The following ZSWIM6 variants were observed in gnomAD, a reference collection of about 807,000 sequenced individuals.
ZSWIM6 encodes the protein zinc finger SWIM-type containing 6.
In ZSWIM6, 9 loss-of-function variants were observed where a neutral mutation model predicts 113.2. That is an observed-to-expected ratio of 0.08 (90% CI 0.05 to 0.14). The LOEUF is 0.14. Among genes scored for constraint, ZSWIM6 ranks in the 10% least tolerant of loss-of-function variants. ZSWIM6 has a pLI of 1.00. For missense variants in ZSWIM6, 1,162 were observed against 1,552.2 expected, an observed-to-expected ratio of 0.75 and a Z score of 4.22; for synonymous variants, 611 against 606.5, an observed-to-expected ratio of 1.01 and a Z score of -0.11.
chr5:61,486,656 T>C (rs1176393914), intron 2 of ZSWIM6, among the ~76,000 whole-genome samples: 1 of 152,204 alleles, frequency 6.6e-6, no homozygotes, highest in Non-Finnish European at 1.5e-5. Context: ...TAAGATGATA[T>C]CTCATTGTGG....
chr5:61,424,658 T>C (rs1579989651), intron 1 of ZSWIM6, among the ~76,000 whole-genome samples: 1 of 152,124 alleles, frequency 6.6e-6, no homozygotes, highest in East Asian at 1.9e-4. Flanking sequence ...GGAATTACTT[T>C]TGTTGAGGAG....
chr5:61,337,499 G>T (rs1390809760), intron 1 of ZSWIM6, among the ~76,000 whole-genome samples: 1 of 152,174 alleles, frequency 6.6e-6, no homozygotes, highest in Non-Finnish European at 1.5e-5. Context: ...ATGATGTTCT[G>T]TATAGTGATG....
chr5:61,462,096 T>C (rs906068523), intron 1 of ZSWIM6, among the ~76,000 whole-genome samples: 6 of 152,220 alleles, frequency 3.9e-5, no homozygotes, highest in African/African-American at 1.4e-4. Context: ...TTGAGATTCT[T>C]TGAGGAGAGC....
intron 1 of ZSWIM6, among the ~76,000 whole-genome samples, chr5:61,401,794 G>T (rs1745943415): frequency 6.6e-6 from 1 of 152,062 alleles, no homozygotes; most frequent in Admixed American, 6.6e-5. Context: ...TTCTTAATTT[G>T]ATATACTACA....
intron 1 of ZSWIM6, among the ~76,000 whole-genome samples, chr5:61,385,577 T>C (rs1579967743): frequency 2.6e-5 from 4 of 152,356 alleles, no homozygotes; most frequent in Admixed American, 2.6e-4. Flanking sequence ...AGATAATTTG[T>C]TTCTAGTATC....
chr5:61,399,415 C>T (rs890572389), intron 1 of ZSWIM6, among the ~76,000 whole-genome samples: 1 of 152,100 alleles, frequency 6.6e-6, no homozygotes, highest in African/African-American at 2.4e-5. Flanking sequence ...TTTACCAGAA[C>T]AGATTCCATC....
chr5:61,438,549 T>A (rs1211079854), intron 1 of ZSWIM6, among the ~76,000 whole-genome samples: 1 of 152,244 alleles, frequency 6.6e-6, no homozygotes, highest in Non-Finnish European at 1.5e-5. Context: ...AAAAGTCTCA[T>A]GTTCTTCAAA....
rs1185476142 is a variant in ZSWIM6 at position 61,357,869 on chromosome 5, TA to T, written c.676+24931del. On this transcript the variant is annotated intron_variant, in intron 1 of 13. Transcript: ENST00000252744. ...ACCTTACCTTACACCTTTGAAGGAT[TA>T]AAAAAAAAATTTCCTGTTTACTCCA... Among the ~76,000 whole-genome samples, 16 of 150,852 alleles carry T rather than the reference TA, an allele frequency of 1.1e-4. No individual in the cohort carries two copies. In the South Asian group the frequency reaches 2.3e-3, roughly 22 times the overall value.
intron 1 of ZSWIM6, among the ~76,000 whole-genome samples, chr5:61,421,696 A>G (rs942537339): frequency 6.6e-6 from 1 of 152,082 alleles, no homozygotes; most frequent in Non-Finnish European, 1.5e-5. Context: ...AGTTCTCATC[A>G]TTTAGCTTCC....
intron 12 of ZSWIM6, 67 bp from the exon 13 acceptor site, chr5:61,541,817 T>TC (rs1032666502): frequency 2.4e-4 from 315 of 1,330,976 alleles, no homozygotes; most frequent in African/African-American, 8.0e-4. Context: ...TTATAGTTTA[T>TC]CCCCCCCCTT....
chr5:61,353,195 G>T (rs754847975), intron 1 of ZSWIM6, among the ~76,000 whole-genome samples: 84 of 152,104 alleles, frequency 5.5e-4, no homozygotes, highest in Non-Finnish European at 9.9e-4. Context: ...TGTCTTGTTT[G>T]GGATGAGGAT....
At chr5:61,421,792 C>G (rs1356209909) in intron 1 of ZSWIM6, among the ~76,000 whole-genome samples, 1 of 152,176 alleles carries the variant, frequency 6.6e-6, no homozygotes, top group Non-Finnish European at 1.5e-5. Context: ...CATCCATGTT[C>G]CTGTAAAAGA....
rs1747587164 is a variant in ZSWIM6 at position 61,472,183 on chromosome 5, T to A, written c.677-498T>A. On this transcript the variant is annotated intron_variant, in intron 1 of 13. Coordinates refer to ENST00000252744, the MANE Select transcript of ZSWIM6 (RefSeq NM_020928.2). This position sits in a 1 kb window ranked among gnomAD's most constrained non-coding sequence, Gnocchi z 4.1. ...TTTGTGGAAGGGACTCCCTTAGAGT[T>A]GCAGTATTGGTTGGTTGGAGCCAGC... is the stretch of plus-strand genomic sequence containing the variant. 6.6e-6 allele frequency among the ~76,000 whole-genome samples: 1 copy of A among 152,192 alleles called. No individual in the cohort carries two copies. Among genetic ancestry groups the A allele is most frequent in the Admixed American group, 6.5e-5 (1 of 15,282 alleles).
chr5:61,406,730 T>TTTATTTA (rs1487703396), intron 1 of ZSWIM6, among the ~76,000 whole-genome samples: 2 of 101,908 alleles, frequency 2.0e-5, no homozygotes, highest in East Asian at 2.5e-4. Flanking sequence ...TTATTTATTT[T>TTTATTTA]GAGACAGAGT....
At chr5:61,469,612 T>G (rs954459883) in intron 1 of ZSWIM6, among the ~76,000 whole-genome samples, 4 of 152,226 alleles carry the variant, frequency 2.6e-5, no homozygotes, top group African/African-American at 9.6e-5. Context: ...ATACTTCTTT[T>G]CTGACTTGTA....
intron 1 of ZSWIM6, among the ~76,000 whole-genome samples, chr5:61,380,427 A>G (rs1028382102): frequency 1.3e-5 from 2 of 152,170 alleles, no homozygotes; most frequent in Non-Finnish European, 2.9e-5. Flanking sequence ...AACAATTAAC[A>G]TCTGTGTACA....
At chr5:61,381,599 GT>G (rs1053055761) in intron 1 of ZSWIM6, among the ~76,000 whole-genome samples, 1 of 151,942 alleles carries the variant, frequency 6.6e-6, no homozygotes, top group Non-Finnish European at 1.5e-5. Context: ...GTTGTCCATA[GT>G]TTTTTTTGTT....
intron 2 of ZSWIM6, among the ~76,000 whole-genome samples, chr5:61,485,111 G>A (rs1338035750): frequency 6.6e-6 from 1 of 152,104 alleles, no homozygotes; most frequent in African/African-American, 2.4e-5. Context: ...CGCAGTACTT[G>A]ATCTCCTGAT....
At chr5:61,371,826 C>A (rs1745269528) in intron 1 of ZSWIM6, among the ~76,000 whole-genome samples, 1 of 152,004 alleles carries the variant, frequency 6.6e-6, no homozygotes, top group Non-Finnish European at 1.5e-5. Context: ...GTGGAAGAAT[C>A]AGAGAAAGTT....
Sources: gnomAD v4.1 joint callset for allele counts (sites outside exome capture counted in the v4.1 genomes callset) on GRCh38, gnomAD v4.1.1 for gene constraint, Gnocchi (gnomAD v3.1) non-coding constraint, MANE v1.5 for transcripts, NCBI Gene and HGNC (gene_info 2026-07-23, HGNC 2026-07-21) for gene names.